Variants in ADGRL3 observed in about 807,000 individuals in gnomAD.
ADGRL3 encodes the protein calcium-independent alpha-latrotoxin receptor 3.
A neutral mutation model predicts 153.5 loss-of-function variants in ADGRL3; 62 were observed. The observed-to-expected ratio is 0.40, with a 90% CI of 0.33 to 0.50. The LOEUF is 0.50. Among genes scored for constraint, ADGRL3 ranks in the 20% least tolerant of loss-of-function variants. The probability of loss-of-function intolerance (pLI) is 0.47; values close to 1 mark genes in which losing one functional copy is unlikely to be tolerated. For missense variants in ADGRL3, 1,641 were observed against 1,859.4 expected (o/e 0.88, Z 2.16); for synonymous variants, 710 against 672.5 (o/e 1.06, Z -0.86).
intron 20 of ADGRL3, among the ~76,000 whole-genome samples, chr4:61,997,091 A>G (rs993916383): frequency 4.6e-5 from 7 of 152,080 alleles, no homozygotes; most frequent in Non-Finnish European, 8.8e-5. Flanking sequence ...GGAATCAGAA[A>G]TTTTTCAGAC....
At chr4:61,331,689 A>G (rs895516878) in intron 1 of ADGRL3, among the ~76,000 whole-genome samples, 1 of 152,130 alleles carries the variant, frequency 6.6e-6, no homozygotes, top group Non-Finnish European at 1.5e-5. Flanking sequence ...AGTACTATAG[A>G]ATTTTGGATT....
chr4:62,068,261 T>G, intron 26 of ADGRL3, 78 bp downstream of exon 26: 1 of 1,322,408 alleles, frequency 7.6e-7, no homozygotes, highest in Non-Finnish European at 1.0e-6. Flanking sequence ...ATATAGATGA[T>G]GTAGTTATTA....
intron 23 of ADGRL3, among the ~76,000 whole-genome samples, chr4:62,033,398 G>A (rs1407918266): frequency 2.6e-5 from 4 of 151,754 alleles, no homozygotes; most frequent in South Asian, 2.1e-4. Flanking sequence ...CACACTTAAT[G>A]TATTTAAAGA....
At chr4:61,575,384 A>T (rs1374872762) in intron 4 of ADGRL3, among the ~76,000 whole-genome samples, 1 of 151,966 alleles carries the variant, frequency 6.6e-6, no homozygotes, top group Non-Finnish European at 1.5e-5. Flanking sequence ...GGATACCCCC[A>T]CTTTCTTGGG....
intron 8 of ADGRL3, among the ~76,000 whole-genome samples, chr4:61,743,776 G>A (rs1015453316): frequency 9.8e-5 from 15 of 152,326 alleles, no homozygotes; most frequent in East Asian, 3.9e-4. Context: ...AGCTCCCAGC[G>A]TGAGTGACGC....
At chr4:61,611,643 C>G (rs952741856) in intron 5 of ADGRL3, among the ~76,000 whole-genome samples, 1 of 152,052 alleles carries the variant, frequency 6.6e-6, no homozygotes, top group Non-Finnish European at 1.5e-5. Context: ...AAAATTAAGG[C>G]CAGGCACGGC....
At chr4:61,918,029 A>G (rs1409744754) in intron 13 of ADGRL3, among the ~76,000 whole-genome samples, 3 of 152,204 alleles carry the variant, frequency 2.0e-5, no homozygotes, top group Admixed American at 6.5e-5. Flanking sequence ...ACAAGTGGAC[A>G]GTAGCCAACA....
intron 2 of ADGRL3, among the ~76,000 whole-genome samples, chr4:61,452,028 G>A (rs1011394882): frequency 4.6e-5 from 7 of 152,150 alleles, no homozygotes; most frequent in African/African-American, 1.7e-4. Flanking sequence ...GATAGATGTT[G>A]TATTCATTGT....
intron 6 of ADGRL3, among the ~76,000 whole-genome samples, chr4:61,684,421 G>C (rs1232294443): frequency 6.6e-6 from 1 of 152,118 alleles, no homozygotes; most frequent in Non-Finnish European, 1.5e-5. Context: ...TCAGGACTCT[G>C]TGTTCCTGCT....
intron 23 of ADGRL3, among the ~76,000 whole-genome samples, chr4:62,037,175 C>T (rs555386035): frequency 2.0e-4 from 31 of 152,190 alleles, no homozygotes; most frequent in Non-Finnish European, 3.5e-4. Context: ...GAAATATAGA[C>T]TTAGAAGAAA....
chr4:61,362,507 T>G (rs1392671811), intron 1 of ADGRL3, among the ~76,000 whole-genome samples: 1 of 152,062 alleles, frequency 6.6e-6, no homozygotes, highest in Admixed American at 6.6e-5. Context: ...TGATTGGAAG[T>G]CTTACCATTA....
chr4:61,548,072 T>G (rs1282528521), intron 4 of ADGRL3, among the ~76,000 whole-genome samples: 3 of 152,150 alleles, frequency 2.0e-5, no homozygotes, highest in Non-Finnish European at 4.4e-5. Flanking sequence ...GTTGGCTACA[T>G]GTATGTCTTA....
chr4:61,645,612 C>G (rs902333812), intron 5 of ADGRL3, among the ~76,000 whole-genome samples: 1 of 152,136 alleles, frequency 6.6e-6, no homozygotes, highest in African/African-American at 2.4e-5. Flanking sequence ...TGAATATTGT[C>G]CCCCACTCTC....
At chr4:61,326,599 A>ATGTGTGTGTGTGTGTGTGTG (rs34387631) in intron 1 of ADGRL3, among the ~76,000 whole-genome samples, 27 of 140,730 alleles carry the variant, frequency 1.9e-4, no homozygotes, top group African/African-American at 7.1e-4. Flanking sequence ...ATGCCAGATA[A>ATGTGTGTGTGTGTGTGTGTG]TGTGTGTGTG....
intron 6 of ADGRL3, among the ~76,000 whole-genome samples, chr4:61,697,838 G>A (rs970487470): frequency 4.6e-5 from 7 of 152,092 alleles, no homozygotes; most frequent in East Asian, 1.9e-4. Flanking sequence ...CTTTGGTTAC[G>A]CTTAAGGGAT....
chr4:61,468,745 G>A (rs2097912646), intron 2 of ADGRL3, among the ~76,000 whole-genome samples: 1 of 152,008 alleles, frequency 6.6e-6, no homozygotes, highest in South Asian at 2.1e-4. Flanking sequence ...TCCAGTGGCT[G>A]GCATAAAGAG....
At chr4:61,926,538 G>T (rs1313677300) in intron 13 of ADGRL3, among the ~76,000 whole-genome samples, 1 of 152,056 alleles carries the variant, frequency 6.6e-6, no homozygotes, top group Non-Finnish European at 1.5e-5. Context: ...TTTGAGTCCT[G>T]GTTCTACTCT....
At position 61,497,393 on chromosome 4, in the gene ADGRL3, T is replaced by G. The variant is rs756468990; in HGVS notation, c.55+45T>G. On this transcript the variant is annotated intron_variant, in intron 3 of 26. Coordinates refer to ENST00000683033, the MANE Select transcript of ADGRL3 (RefSeq NM_001387552.1). ...TGTGTAATGCTTAATGTTGTCTCACTTATTCATACTGGACACTTCCTTGGG... is the reference window on the plus strand; with the variant it reads ...TGTGTAATGCTTAATGTTGTCTCACGTATTCATACTGGACACTTCCTTGGG... 7 of 1,247,508 alleles carry G rather than the reference T, an allele frequency of 5.6e-6. No individual in the cohort carries two copies. The African/African-American group carries it at 6.0e-5, about 11-fold the overall frequency. The allele number at this position is 1,247,508 out of a possible 1,614,324, so 77.3% of individuals were successfully genotyped here. A position where few individuals can be genotyped will look rare whatever the true frequency, so the allele number is the denominator to read the frequency against.
intron 1 of ADGRL3, among the ~76,000 whole-genome samples, chr4:61,319,428 A>C (rs2095308137): frequency 6.6e-6 from 1 of 152,178 alleles, no homozygotes; most frequent in African/African-American, 2.4e-5. Flanking sequence ...ATATGTTTAT[A>C]GTTAGATCTA....
Sources: gnomAD v4.1 joint callset for allele counts (sites outside exome capture counted in the v4.1 genomes callset) on GRCh38, gnomAD v4.1.1 for gene constraint, MANE v1.5 for transcripts, NCBI Gene and HGNC (gene_info 2026-07-23, HGNC 2026-07-21) for gene names.